Variants in ERV3-1 observed in about 807,000 individuals in gnomAD.
ERV3-1 encodes endogenous retrovirus group 3 member 1, envelope.
A neutral mutation model predicts 24.6 loss-of-function variants in ERV3-1; 36 were observed. That is an observed-to-expected ratio of 1.47 (90% CI 1.12 to 1.94). The LOEUF (loss-of-function observed/expected upper bound fraction) is 1.94. ERV3-1 is among the 30% of genes most tolerant of loss of function. The probability of loss-of-function intolerance (pLI) is 0.00; values close to 1 mark genes in which losing one functional copy is unlikely to be tolerated. For synonymous variants in ERV3-1, 211 were observed against 122.6 expected (o/e 1.72, Z -4.76); for missense variants, 578 against 330.9 (o/e 1.75, Z -5.79).
chr7:64,999,833 G>C (rs900944230), intron 1 of ERV3-1, among the ~76,000 whole-genome samples: 1 of 152,218 alleles, frequency 6.6e-6, no homozygotes, highest in Non-Finnish European at 1.5e-5. Context: ...TGGCCTTGCA[G>C]ATAATGTTAT....
At chr7:65,004,542 T>A (rs2129124914) in intron 1 of ERV3-1, 1 of 152,326 alleles carries the variant, frequency 6.6e-6, no homozygotes, top group East Asian at 1.9e-4. Context: ...CCACCTCTTT[T>A]ATGCCCTTTG....
rs1786302876 is a variant in ERV3-1, at chr7:64,992,583, T to C, written c.444A>G (p.Lys148=). Residue 148 remains lysine, a synonymous_variant, in exon 2 of 2, where the codon AAA becomes AAG. Coordinates refer to ENST00000394323, the MANE Select transcript of ERV3-1 (RefSeq NM_001007253.4). ...SSMEYYSSCH[K]NRYAHPACST... is the part of the protein sequence containing the mutation. ...AACAAGCAGGGTGTGCATACCTATT[T>C]TTATGGCAGCTACTATAGTACTCCA... 1.3e-6 allele frequency: 1 copy of C among 766,252 alleles called. No individual in the cohort carries two copies. The highest frequency in any genetic ancestry group is 2.4e-6 in the Non-Finnish European group (1 of 417,906). 47.5% of individuals were successfully genotyped at this position (766,252 alleles called of 1,614,324 possible).
Position 64,992,352 on chromosome 7 carries a change from G to A in ERV3-1, c.675C>T (p.Ser225=), listed in dbSNP as rs537450613. 19 of 766,210 alleles carry A rather than the reference G, an allele frequency of 2.5e-5. No individual in the cohort carries two copies. The highest frequency in any genetic ancestry group is 8.5e-5 in the Admixed American group (5 of 58,992). The allele number at this position is 766,210 out of a possible 1,614,324, so 47.5% of individuals were successfully genotyped here. A position where few individuals can be genotyped will look rare whatever the true frequency, so the allele number is the denominator to read the frequency against. ...GLKAPLGARV[S]GEEIGPGAYV... Reference sequence around the variant, plus strand: ...AGGCTCCTGGGCCAATTTCTTCACCGCTGACTCGTGCCCCTAGCGGTGCTT... The same window carrying A: ...AGGCTCCTGGGCCAATTTCTTCACCACTGACTCGTGCCCCTAGCGGTGCTT... The change falls in exon 2 of 2, where the codon AGC becomes AGT. Residue 225 remains serine, a synonymous_variant. Coordinates refer to ENST00000394323, the MANE Select transcript of ERV3-1 (RefSeq NM_001007253.4).
chr7:64,998,792 T>G (rs1254691608), intron 1 of ERV3-1, among the ~76,000 whole-genome samples: 4 of 152,104 alleles, frequency 2.6e-5, no homozygotes. Context: ...CAAAGGATGT[T>G]TGCCACTAGT....
In ERV3-1 at chr7:64,992,999, T is replaced by G. The variant is rs1325923874; in HGVS notation, c.28A>C (p.Thr10Pro). The change falls in exon 2 of 2, where the codon ACT (threonine) becomes CCT (proline). Residue 10 changes from threonine to proline, a missense_variant. Coordinates refer to ENST00000394323, the MANE Select transcript of ERV3-1 (RefSeq NM_001007253.4). ...GATAAGGGGAGTAGCAAGAACAAAG[T>G]GATGAGTAGCATGTTCATACCCAGC... MLGMNMLLI[T>P]LFLLLPLSML... is the part of the protein sequence containing the mutation. 5.2e-6 allele frequency: 4 copies of G among 763,662 alleles called. No individual in the cohort carries two copies. Among genetic ancestry groups the G allele is most frequent in the Admixed American group, 3.4e-5 (2 of 58,928 alleles). 47.3% of individuals were successfully genotyped at this position (763,662 alleles called of 1,614,324 possible).
intron 1 of ERV3-1, chr7:65,006,045 T>A (rs534804581): frequency 6.3e-6 from 1 of 159,636 alleles, no homozygotes; most frequent in African/African-American, 2.4e-5. Flanking sequence ...GCCCCTTCCA[T>A]AAACCACAAA....
rs775015777 is a variant in ERV3-1 at position 64,991,715 on chromosome 7, C to T, written c.1312G>A (p.Val438Ile). ...AAGGACGGCCTAATTGTCCCCAGTA[C>T]ACAGGCCCCTGACCATTTAGCTGGC... ...QLPAKWSGAC[V>I]LGTIRPSFFL... Residue 438 changes from valine to isoleucine, a missense_variant, in exon 2 of 2, where the codon GTA (valine) becomes ATA (isoleucine). Transcript: ENST00000394323. 7 of 760,924 alleles carry T rather than the reference C, an allele frequency of 9.2e-6. No homozygotes were observed. The South Asian group carries it at 9.5e-5, about 10-fold the overall frequency. 47.1% of individuals were successfully genotyped at this position (760,924 alleles called of 1,614,324 possible). A position where few individuals can be genotyped will look rare whatever the true frequency, so the allele number is the denominator to read the frequency against.
At chr7:65,006,348 C>G in intron 1 of ERV3-1, 193 bp downstream of exon 1, 1 of 899,482 alleles carries the variant, frequency 1.1e-6, no homozygotes, top group Non-Finnish European at 1.7e-6. Context: ...ACAGGATGCC[C>G]GGGGTCCGAG....
At chr7:64,999,555 C>G (rs564020468) in intron 1 of ERV3-1, among the ~76,000 whole-genome samples, 8 of 152,198 alleles carry the variant, frequency 5.3e-5, no homozygotes, top group Non-Finnish European at 1.0e-4. Context: ...AGAACAAAGA[C>G]AGTTAATCAT....
intron 1 of ERV3-1, among the ~76,000 whole-genome samples, chr7:64,997,382 A>G (rs1347270043): frequency 6.6e-6 from 1 of 152,212 alleles, no homozygotes; most frequent in African/African-American, 2.4e-5. Context: ...TTCACCATGC[A>G]CTGGTTCTCA....
Position 65,006,291 on chromosome 7 carries a change from C to T in ERV3-1, c.-389+250G>A, listed in dbSNP as rs1786647856. On this transcript the variant is annotated intron_variant, in intron 1 of 1. Coordinates refer to ENST00000394323, the MANE Select transcript of ERV3-1 (RefSeq NM_001007253.4). ...AGCTGCGGCAGTGGGGGCAGAGCTG[C>T]CCACAGAGGACTCCAGAACAAGGCA... The T allele has an allele frequency of 4.2e-5, 25 of 596,296 alleles. No individual in the cohort carries two copies. In the South Asian group the frequency reaches 4.6e-4, roughly 11 times the overall value. 36.9% of individuals were successfully genotyped at this position (596,296 alleles called of 1,614,324 possible).
At chr7:65,006,479 C>A (rs543671749) in intron 1 of ERV3-1, 62 bp downstream of exon 1, 20 of 1,559,974 alleles carry the variant, frequency 1.3e-5, no homozygotes, top group Non-Finnish European at 1.7e-5. Flanking sequence ...GCCACAGCCA[C>A]TTCCCACCAG....
At chr7:65,000,690 TAGA>T (rs1786502621) in intron 1 of ERV3-1, among the ~76,000 whole-genome samples, 1 of 151,970 alleles carries the variant, frequency 6.6e-6, no homozygotes, top group Admixed American at 6.6e-5. Flanking sequence ...GGGGCTGAGG[TAGA>T]AGGATTGTTT....
intron 1 of ERV3-1, among the ~76,000 whole-genome samples, chr7:65,001,878 T>C (rs909529944): frequency 1.3e-5 from 2 of 152,178 alleles, no homozygotes; most frequent in African/African-American, 4.8e-5. Flanking sequence ...CACAACACTG[T>C]CTTCACTGCA....
chr7:64,997,099 T>C (rs766227980), intron 1 of ERV3-1, among the ~76,000 whole-genome samples: 23 of 152,238 alleles, frequency 1.5e-4, no homozygotes, highest in Non-Finnish European at 3.1e-4. Flanking sequence ...ATAGTCTTGG[T>C]TGACTTTCAG....
intron 1 of ERV3-1, among the ~76,000 whole-genome samples, chr7:64,998,342 G>A (rs1241260945): frequency 1.3e-5 from 2 of 152,164 alleles, no homozygotes; most frequent in East Asian, 3.9e-4. Flanking sequence ...ATTTAGCCAT[G>A]AGTCAATATA....
At chr7:64,998,538 C>T (rs570015168) in intron 1 of ERV3-1, among the ~76,000 whole-genome samples, 185 of 152,270 alleles carry the variant, frequency 1.2e-3, no homozygotes, top group Middle Eastern at 6.8e-3. Flanking sequence ...CCTGTATAAT[C>T]TTACTTAAAG....
chr7:64,992,217 G>C lies in ERV3-1; in HGVS notation c.810C>G (p.Pro270=), dbSNP rs78922349. 2,878 of 766,416 alleles carry C rather than the reference G, an allele frequency of 3.8e-3. 40 individuals are homozygous for C. The highest frequency in any genetic ancestry group is 0.031 in the Admixed American group (1,817 of 59,036). 47.5% of individuals were successfully genotyped at this position (766,416 alleles called of 1,614,324 possible). Residue 270 remains proline, a synonymous_variant, in exon 2 of 2, where the codon CCC becomes CCG. Transcript: ENST00000394323. ...HVNQKLPEPP[P]LASNLFAQLA... ...GTTGGGCGAATAAATTACTGGCCAA[G>C]GGAGGGGGCTCAGGCAATTTCTGGT...
Position 65,006,664 on chromosome 7 carries a change from G to A in ERV3-1, c.-512C>T. 6.6e-7 allele frequency: 1 copy of A among 1,503,912 alleles called. No individual in the cohort carries two copies. The highest frequency in any genetic ancestry group is 9.2e-7 in the Non-Finnish European group (1 of 1,085,096). The allele number at this position is 1,503,912 out of a possible 1,614,324, so 93.2% of individuals were successfully genotyped here. On this transcript the variant is annotated 5_prime_UTR_variant, in exon 1 of 2. Transcript: ENST00000394323. ...ACACAGAGCAGTGAAGACTACACCA[G>A]AAGCTCCGGCTGCCGCCAGAGACAA...
Sources: allele counts gnomAD v4.1 joint callset (sites outside exome capture counted in the v4.1 genomes callset), GRCh38; gene constraint gnomAD v4.1.1; transcripts MANE v1.5; gene names NCBI Gene and HGNC (gene_info 2026-07-23, HGNC 2026-07-21).